Variants in NEK4 observed in about 807,000 individuals in gnomAD.
NEK4 encodes NIMA related kinase 4.
NEK4 carries 86 observed loss-of-function variants against 98.4 expected under a neutral mutation model. That is an observed-to-expected ratio of 0.87 (90% CI 0.73 to 1.05). NEK4 has a LOEUF of 1.05. Ranked by LOEUF, NEK4 falls within the 50% of genes least tolerant of loss-of-function variation. NEK4 has a pLI of 0.00. For synonymous variants in NEK4, 328 were observed against 342.2 expected (o/e 0.96, Z 0.46); for missense variants, 898 against 950.3 (o/e 0.94, Z 0.72).
intron 12 of NEK4, 105 bp downstream of exon 12, chr3:52,743,246 CT>C: frequency 1.3e-6 from 1 of 786,962 alleles, no homozygotes. Context: ...ATATAACAAG[CT>C]GGCCCTGTCC....
chr3:52,738,156 A>T (rs2097379525), intron 14 of NEK4, among the ~76,000 whole-genome samples: 1 of 151,008 alleles, frequency 6.6e-6, no homozygotes, highest in Non-Finnish European at 1.5e-5. Flanking sequence ...TGTCATAGGG[A>T]TGTAGTGCAG....
rs779295262 is a variant in NEK4, at chr3:52,741,512, T to C, written c.2005-13A>G. On this transcript the variant is annotated splice_polypyrimidine_tract_variant and intron_variant, in intron 12 of 15. Transcript: ENST00000233027. ...TCTGTTTCCTTTCCTATTAAATGTT[T>C]GGAAGAATTAAAATTCTACATGACA... The C allele has an allele frequency of 7.8e-6, 12 of 1,547,552 alleles. No homozygotes were observed. The highest frequency in any genetic ancestry group is 1.4e-5 in the African/African-American group (1 of 73,672).
chr3:52,760,151 G>A (rs1020180598), intron 6 of NEK4, among the ~76,000 whole-genome samples: 1 of 152,094 alleles, frequency 6.6e-6, no homozygotes, highest in East Asian at 1.9e-4. Flanking sequence ...AGTGACGGTT[G>A]CACTACACTG....
intron 6 of NEK4, among the ~76,000 whole-genome samples, chr3:52,759,333 G>A (rs1698260228): frequency 6.6e-6 from 1 of 151,922 alleles, no homozygotes; most frequent in Admixed American, 6.6e-5. Context: ...CCAGAGAGGT[G>A]GAGGCTAGAT....
At chr3:52,756,987 C>T (rs969741096) in intron 6 of NEK4, among the ~76,000 whole-genome samples, 7 of 152,046 alleles carry the variant, frequency 4.6e-5, no homozygotes, top group African/African-American at 7.2e-5. Context: ...GGCCAATAAG[C>T]ACACAAAAAA....
rs552869922 is a variant in NEK4 at position 52,756,450 on chromosome 3, C to T, written c.964-4114G>A. Among the ~76,000 whole-genome samples, 188 of 152,302 alleles carry T rather than the reference C, an allele frequency of 1.2e-3. 2 individuals carry two copies. Among genetic ancestry groups the T allele is most frequent in the Non-Finnish European group, 2.1e-3 (146 of 68,016 alleles). The stretch of plus-strand genomic sequence containing the variant: ...AATGGGGAACCCAGAAATAAACTTT[C>T]ACATATGTGGTCGAATGATTTTTGA... On this transcript the variant is annotated intron_variant, in intron 6 of 15. Coordinates refer to ENST00000233027, the MANE Select transcript of NEK4 (RefSeq NM_003157.6).
Position 52,711,723 on chromosome 3 carries a change from C to T in NEK4, c.*54G>A. ...TGACTGTTTGCCCTTGCTTTTTAAG[C>T]CAAAATCCTCTAAAAATAGGTCTTT... On this transcript the variant is annotated 3_prime_UTR_variant, in exon 16 of 16. Coordinates refer to ENST00000233027, the MANE Select transcript of NEK4 (RefSeq NM_003157.6). The T allele has an allele frequency of 1.7e-6, 2 of 1,193,572 alleles. No homozygotes were observed. Among genetic ancestry groups the T allele is most frequent in the Non-Finnish European group, 2.5e-6 (2 of 804,410 alleles). 73.9% of individuals were successfully genotyped at this position (1,193,572 alleles called of 1,614,324 possible).
At chr3:52,733,741 G>C (rs1257252164) in intron 15 of NEK4, 1 of 439,558 alleles carries the variant, frequency 2.3e-6, no homozygotes, top group East Asian at 7.1e-5. Context: ...TCAACCATCA[G>C]ATAATTCATA....
chr3:52,757,799 G>A (rs777666421), intron 6 of NEK4, among the ~76,000 whole-genome samples: 1 of 152,098 alleles, frequency 6.6e-6, no homozygotes, highest in Non-Finnish European at 1.5e-5. Flanking sequence ...TATGTGAAAC[G>A]AAATAAGGCA....
chr3:52,738,422 T>G (rs11719164), intron 14 of NEK4, among the ~76,000 whole-genome samples: 6 of 144,004 alleles, frequency 4.2e-5, no homozygotes, highest in Non-Finnish European at 4.6e-5. Flanking sequence ...TTTTTTTTGG[T>G]ATTTTATTTT....
chr3:52,735,244 T>C (rs2097374305), intron 15 of NEK4, among the ~76,000 whole-genome samples: 1 of 152,280 alleles, frequency 6.6e-6, no homozygotes, highest in Admixed American at 6.5e-5. Flanking sequence ...TATCCAGTTA[T>C]CTTCAAAAAC....
chr3:52,718,610 A>C, intron 15 of NEK4, among the ~76,000 whole-genome samples: 1 of 152,122 alleles, frequency 6.6e-6, no homozygotes, highest in Non-Finnish European at 1.5e-5. Flanking sequence ...TTGTCTCGAG[A>C]GATAACAGTA....
chr3:52,760,553 T>C lies in NEK4; in HGVS notation c.963+242A>G, dbSNP rs911212606. 6.6e-5 allele frequency among the ~76,000 whole-genome samples: 10 copies of C among 152,240 alleles called. 1 individual carries two copies. The highest frequency in any genetic ancestry group is 8.8e-5 in the Non-Finnish European group (6 of 68,040). On this transcript the variant is annotated intron_variant, in intron 6 of 15. Coordinates refer to ENST00000233027, the MANE Select transcript of NEK4 (RefSeq NM_003157.6). Reference sequence around the variant, plus strand: ...CTTTAAAATGGTTAATTTTGTTATATAAATTTCACCTAAAAAATTCTTAAA... The same window carrying C: ...CTTTAAAATGGTTAATTTTGTTATACAAATTTCACCTAAAAAATTCTTAAA...
chr3:52,717,381 T>A (rs1310250390), intron 15 of NEK4, among the ~76,000 whole-genome samples: 1 of 139,544 alleles, frequency 7.2e-6, no homozygotes, highest in African/African-American at 2.7e-5. Flanking sequence ...CACTACAGCC[T>A]GGGTGACAAA....
chr3:52,732,848 T>C (rs2097371244), intron 15 of NEK4: 1 of 232,384 alleles, frequency 4.3e-6, no homozygotes, highest in Non-Finnish European at 9.8e-6. Flanking sequence ...AGGGAGAAGC[T>C]GTACATTGGG....
intron 9 of NEK4, 101 bp from the exon 10 acceptor site, chr3:52,746,311 A>C: frequency 9.2e-7 from 1 of 1,087,110 alleles, no homozygotes; most frequent in Non-Finnish European, 1.3e-6. Context: ...GTTTGCTCTT[A>C]AAACCTTCAA....
intron 6 of NEK4, among the ~76,000 whole-genome samples, chr3:52,753,009 C>T (rs13094978): frequency 1.3e-5 from 2 of 149,124 alleles, no homozygotes; most frequent in African/African-American, 2.5e-5. Flanking sequence ...TGCTAAAACA[C>T]GAATGAACCC....
intron 15 of NEK4, among the ~76,000 whole-genome samples, chr3:52,720,160 G>A (rs1185497167): frequency 1.3e-5 from 2 of 152,062 alleles, no homozygotes; most frequent in South Asian, 2.1e-4. Flanking sequence ...GCATATGCCT[G>A]TAGTTCTGGG....
chr3:52,727,033 G>C (rs2097365275), intron 15 of NEK4, among the ~76,000 whole-genome samples: 2 of 142,920 alleles, frequency 1.4e-5, no homozygotes, highest in African/African-American at 5.2e-5. Context: ...AGAATGCAAT[G>C]GCTCAATCTT....
Sources: gnomAD v4.1 joint callset for allele counts (sites outside exome capture counted in the v4.1 genomes callset) on GRCh38, gnomAD v4.1.1 for gene constraint, MANE v1.5 for transcripts, NCBI Gene and HGNC (gene_info 2026-07-23, HGNC 2026-07-21) for gene names.